THSD4: variants seen among roughly 807,000 people sequenced by gnomAD.
The protein encoded by THSD4 is thrombospondin type-1 domain-containing protein 4.
Under a neutral mutation model 119.0 loss-of-function variants are expected in THSD4, and 69 were observed. That is an observed-to-expected ratio of 0.58 (90% CI 0.48 to 0.71). THSD4 has a LOEUF of 0.71. Among genes scored for constraint, THSD4 ranks in the 30% least tolerant of loss-of-function variants. THSD4 has a pLI of 0.00. For missense variants in THSD4, 1,393 were observed against 1,391.1 expected (o/e 1.00, Z -0.02); for synonymous variants, 524 against 540.4 (o/e 0.97, Z 0.42).
chr15:71,110,165 G>C (rs1026413644), intron 1 of THSD4: 1 of 152,166 alleles, frequency 6.6e-6, no homozygotes, highest in African/African-American at 2.4e-5. Context: ...AGGGGTACCA[G>C]GCGGCAGTGT....
chr15:71,344,711 A>C (rs1402110203), intron 6 of THSD4, among the ~76,000 whole-genome samples: 5 of 152,190 alleles, frequency 3.3e-5, no homozygotes, highest in Non-Finnish European at 7.3e-5. Context: ...TCATAATCAG[A>C]AAAAGAAATG....
intron 6 of THSD4, among the ~76,000 whole-genome samples, chr15:71,297,310 CTCT>C (rs1174276560): frequency 7.5e-5 from 7 of 92,852 alleles, no homozygotes; most frequent in African/African-American, 2.7e-4. Context: ...CTTTGCTCTC[CTCT>C]TCTTTTTTTT....
chr15:71,522,306 A>T (rs542884267), intron 7 of THSD4, among the ~76,000 whole-genome samples: 1 of 152,272 alleles, frequency 6.6e-6, no homozygotes, highest in South Asian at 2.1e-4. Flanking sequence ...TTATTATTAT[A>T]ACCAAGTTAT....
chr15:71,374,477 G>A (rs2046104304), intron 6 of THSD4, among the ~76,000 whole-genome samples: 1 of 152,158 alleles, frequency 6.6e-6, no homozygotes, highest in Non-Finnish European at 1.5e-5. Flanking sequence ...AATAAGAAGG[G>A]GATGTGGTAA....
At chr15:71,347,051 TTTAG>T (rs2045673018) in intron 6 of THSD4, among the ~76,000 whole-genome samples, 2 of 151,984 alleles carry the variant, frequency 1.3e-5, no homozygotes. Flanking sequence ...TTTTTGTATT[TTTAG>T]TAGAGACAGG....
At chr15:71,131,703 G>C (rs1596214389) in intron 1 of THSD4, among the ~76,000 whole-genome samples, 1 of 152,192 alleles carries the variant, frequency 6.6e-6, no homozygotes. Context: ...TGGGAACAGA[G>C]ATAGACTGTG....
intron 2 of THSD4, among the ~76,000 whole-genome samples, chr15:71,144,132 A>G (rs1361495502): frequency 6.6e-6 from 1 of 152,166 alleles, no homozygotes; most frequent in East Asian, 1.9e-4. Context: ...ACATTTTGCC[A>G]AGAATTCTGC....
In THSD4 at chr15:71,368,636, T is replaced by G. The variant is rs1242823549; in HGVS notation, c.1016-43051T>G. Among the ~76,000 whole-genome samples the G allele has an allele frequency of 2.6e-5, 4 of 152,314 alleles. No homozygotes were observed. The East Asian group carries it at 7.7e-4, about 29-fold the overall frequency. On this transcript the variant is annotated intron_variant, in intron 6 of 17. Transcript: ENST00000261862. ...TTCTGAGGGCTGTGTTCTGTTCCAT[T>G]GGTCTATATCTCTGTTTTGGTACCA...
chr15:71,131,116 C>T (rs1244974201), intron 1 of THSD4, among the ~76,000 whole-genome samples: 2 of 152,130 alleles, frequency 1.3e-5, no homozygotes, highest in Non-Finnish European at 1.5e-5. Context: ...GTACCAGTCA[C>T]GTGGTTTCTT....
chr15:71,218,341 G>A (rs2043951180), intron 4 of THSD4, among the ~76,000 whole-genome samples: 1 of 152,172 alleles, frequency 6.6e-6, no homozygotes. Flanking sequence ...GGGATGGAGG[G>A]CTGGATTTGG....
At chr15:71,323,438 A>G (rs1029870719) in intron 6 of THSD4, among the ~76,000 whole-genome samples, 1 of 152,260 alleles carries the variant, frequency 6.6e-6, no homozygotes, top group East Asian at 1.9e-4. Flanking sequence ...GGCCAACTGA[A>G]AAGAAACTGG....
At position 71,217,562 on chromosome 15, in the gene THSD4, G is replaced by C. The variant is rs565276696; in HGVS notation, c.464+2163G>C. 2.0e-5 allele frequency among the ~76,000 whole-genome samples: 3 copies of C among 151,446 alleles called. No homozygotes were observed. In the East Asian group the frequency reaches 5.9e-4, roughly 30 times the overall value. ...GGCGTGAACCCGGGAGGCAGAGCTT[G>C]CAGTGAGCCGAGATCGCACCACTGT... On this transcript the variant is annotated intron_variant, in intron 4 of 17. Coordinates refer to ENST00000261862, the MANE Select transcript of THSD4 (RefSeq NM_024817.3).
chr15:71,605,694 G>T (rs189397353), intron 7 of THSD4, among the ~76,000 whole-genome samples: 165 of 152,356 alleles, frequency 1.1e-3, no homozygotes, highest in African/African-American at 2.7e-3. Flanking sequence ...AAAGTTTCTA[G>T]GGCCTTTTGG....
chr15:71,700,784 T>C (rs138974105), intron 8 of THSD4, among the ~76,000 whole-genome samples: 1 of 152,200 alleles, frequency 6.6e-6, no homozygotes, highest in East Asian at 1.9e-4. Flanking sequence ...AAAGCACATT[T>C]AAATAATTGA....
chr15:71,518,432 A>G (rs904825213), intron 7 of THSD4, among the ~76,000 whole-genome samples: 1 of 152,190 alleles, frequency 6.6e-6, no homozygotes. Context: ...CTGCGTGGGA[A>G]TGATAGAGAC....
At chr15:71,753,070 TAC>T (rs1251164442) in intron 14 of THSD4, among the ~76,000 whole-genome samples, 1 of 152,166 alleles carries the variant, frequency 6.6e-6, no homozygotes, top group Non-Finnish European at 1.5e-5. Flanking sequence ...CACTTAAGAG[TAC>T]AGAGTGTGTC....
At chr15:71,445,387 A>G (rs1038351309) in intron 7 of THSD4, among the ~76,000 whole-genome samples, 10 of 152,172 alleles carry the variant, frequency 6.6e-5, no homozygotes, top group African/African-American at 2.4e-4. Context: ...TCAGCGCATA[A>G]TACTTACTCA....
In THSD4 at chr15:71,654,549, C is replaced by G. The variant is rs113778111; in HGVS notation, c.1153-5981C>G. On this transcript the variant is annotated intron_variant, in intron 7 of 17. Transcript: ENST00000261862. ...AGAAGAATTTACTGGATCAAACGGT[C>G]TATATTGCTAAATTGCTTTCCAGGA... Among the ~76,000 whole-genome samples, 528 of 152,250 alleles carry G rather than the reference C, an allele frequency of 3.5e-3. 1 individual carries two copies. Among genetic ancestry groups the G allele is most frequent in the African/African-American group, 0.012 (502 of 41,536 alleles).
chr15:71,411,632 A>T, intron 6 of THSD4, 55 bp from the exon 7 acceptor site: 2 of 1,532,782 alleles, frequency 1.3e-6, no homozygotes, highest in Admixed American at 2.0e-5. Context: ...TTCCACAGAG[A>T]TGATATTGCT....
Sources: allele counts gnomAD v4.1 joint callset (sites outside exome capture counted in the v4.1 genomes callset), GRCh38; gene constraint gnomAD v4.1.1; transcripts MANE v1.5; gene names NCBI Gene and HGNC (gene_info 2026-07-23, HGNC 2026-07-21).